Variants in AP3B1 observed in about 807,000 individuals in gnomAD.
The protein encoded by AP3B1 is AP-3 complex subunit beta-1.
Under a neutral mutation model 132.5 loss-of-function variants are expected in AP3B1, and 61 were observed. The observed-to-expected ratio is 0.46, with a 90% confidence interval of 0.37 to 0.57. The LOEUF is 0.57. Among genes scored for constraint, AP3B1 ranks in the 20% least tolerant of loss-of-function variants. The pLI is 0.00. For missense variants in AP3B1, 1,120 were observed against 1,289.4 expected (o/e 0.87, Z 2.01); for synonymous variants, 388 against 438.3 (o/e 0.89, Z 1.43).
chr5:78,005,740 T>C (rs1402402120), intron 26 of AP3B1, among the ~76,000 whole-genome samples: 2 of 152,206 alleles, frequency 1.3e-5, no homozygotes, highest in Non-Finnish European at 2.9e-5. Context: ...AGAAAGGATA[T>C]ATTTAATTGG....
chr5:78,049,027 C>T (rs1311580590), intron 22 of AP3B1, among the ~76,000 whole-genome samples: 1 of 152,166 alleles, frequency 6.6e-6, no homozygotes, highest in African/African-American at 2.4e-5. Context: ...ATCTGTAGGT[C>T]AAAAACAGTC....
intron 8 of AP3B1, among the ~76,000 whole-genome samples, chr5:78,178,297 T>G (rs1744232275): frequency 6.6e-6 from 1 of 152,146 alleles, no homozygotes; most frequent in Non-Finnish European, 1.5e-5. Context: ...CACAGAACCT[T>G]AAAAATGGCT....
At chr5:78,175,557 TA>T in intron 11 of AP3B1, 68 bp downstream of exon 11, 2 of 1,261,762 alleles carry the variant, frequency 1.6e-6, no homozygotes, top group Non-Finnish European at 2.3e-6. Flanking sequence ...CCACAGGTGC[TA>T]AAAGCTATAG....
At chr5:78,166,557 T>G (rs1307681867) in intron 11 of AP3B1, among the ~76,000 whole-genome samples, 1 of 152,094 alleles carries the variant, frequency 6.6e-6, no homozygotes, top group Non-Finnish European at 1.5e-5. Context: ...TCCAATGGGC[T>G]TGTGAAAAAA....
intron 14 of AP3B1, among the ~76,000 whole-genome samples, chr5:78,142,549 A>C (rs931793793): frequency 6.6e-6 from 1 of 152,186 alleles, no homozygotes; most frequent in Non-Finnish European, 1.5e-5. Context: ...AGTGAGAATA[A>C]GGACCTTTCC....
chr5:78,029,683 A>AT (rs1163476835), intron 24 of AP3B1, among the ~76,000 whole-genome samples: 1 of 152,024 alleles, frequency 6.6e-6, no homozygotes, highest in African/African-American at 2.4e-5. Flanking sequence ...ATTTTTTTGA[A>AT]TAGAGACAAG....
chr5:78,157,369 C>A (rs972056387), intron 13 of AP3B1, among the ~76,000 whole-genome samples: 3 of 152,086 alleles, frequency 2.0e-5, no homozygotes, highest in African/African-American at 7.3e-5. Flanking sequence ...CTTCAATCAT[C>A]CCTTTTAAGT....
chr5:78,281,465 C>T (rs1057291493), intron 1 of AP3B1, among the ~76,000 whole-genome samples: 3 of 148,314 alleles, frequency 2.0e-5, no homozygotes, highest in Non-Finnish European at 4.5e-5. Context: ...AAACAGTTCT[C>T]ATCTATAGTT....
At chr5:78,022,142 T>C (rs541415891) in intron 24 of AP3B1, among the ~76,000 whole-genome samples, 85 of 152,348 alleles carry the variant, frequency 5.6e-4, no homozygotes, top group African/African-American at 2.0e-3. Context: ...CATATGTGGA[T>C]TGTTGAAGGC....
intron 2 of AP3B1, among the ~76,000 whole-genome samples, chr5:78,266,563 G>A (rs999368566): frequency 7.2e-5 from 11 of 152,130 alleles, no homozygotes; most frequent in Non-Finnish European, 1.3e-4. Flanking sequence ...ACTGCCTGCT[G>A]GAAAACAGTA....
chr5:78,253,693 G>A (rs916508810), intron 2 of AP3B1, among the ~76,000 whole-genome samples: 2 of 152,150 alleles, frequency 1.3e-5, no homozygotes, highest in African/African-American at 2.4e-5. Flanking sequence ...TAGGCCAGGC[G>A]CGGTGGCTCA....
At chr5:78,214,974 A>T (rs1745897296) in intron 7 of AP3B1, among the ~76,000 whole-genome samples, 1 of 152,158 alleles carries the variant, frequency 6.6e-6, no homozygotes, top group African/African-American at 2.4e-5. Context: ...GTGGATAAAG[A>T]AGTATTAAAA....
chr5:78,114,779 T>C (rs1751752937), intron 18 of AP3B1, among the ~76,000 whole-genome samples: 1 of 152,212 alleles, frequency 6.6e-6, no homozygotes, highest in African/African-American at 2.4e-5. Context: ...GGAAGGTCCA[T>C]CACAGTGAAA....
intron 17 of AP3B1, among the ~76,000 whole-genome samples, chr5:78,119,881 A>G (rs2112276372): frequency 6.6e-6 from 1 of 152,320 alleles, no homozygotes; most frequent in African/African-American, 2.4e-5. Context: ...TCCAAGACAC[A>G]TAATTGTCAG....
chr5:78,136,650 A>C (rs1032952058), intron 15 of AP3B1, among the ~76,000 whole-genome samples: 2 of 152,114 alleles, frequency 1.3e-5, no homozygotes, highest in African/African-American at 4.8e-5. Flanking sequence ...AGTCTTTTTC[A>C]ATATAAAGAG....
At chr5:78,225,360 C>G (rs1314389852) in intron 6 of AP3B1, among the ~76,000 whole-genome samples, 182 bp downstream of exon 6, 2 of 152,000 alleles carry the variant, frequency 1.3e-5, no homozygotes, top group Admixed American at 1.3e-4. Context: ...CGATCTAAAA[C>G]TCCAAATGCA....
intron 11 of AP3B1, among the ~76,000 whole-genome samples, chr5:78,173,293 T>G (rs1312117697): frequency 6.6e-6 from 1 of 152,152 alleles, no homozygotes; most frequent in Non-Finnish European, 1.5e-5. Flanking sequence ...CAGAGCTGAG[T>G]TCAAGGCCTG....
intron 2 of AP3B1, among the ~76,000 whole-genome samples, chr5:78,261,238 G>C (rs1322645175): frequency 1.3e-5 from 2 of 152,144 alleles, no homozygotes; most frequent in African/African-American, 2.4e-5. Context: ...CAATGCATAA[G>C]AGTTCTTATT....
intron 24 of AP3B1, among the ~76,000 whole-genome samples, chr5:78,032,909 A>T (rs1376176635): frequency 6.6e-6 from 1 of 152,134 alleles, no homozygotes; most frequent in Non-Finnish European, 1.5e-5. Flanking sequence ...AAAATCAAAT[A>T]CTACCTGCAT....
Sources: gnomAD v4.1 joint callset for allele counts (sites outside exome capture counted in the v4.1 genomes callset) on GRCh38, gnomAD v4.1.1 for gene constraint, MANE v1.5 for transcripts, NCBI Gene and HGNC (gene_info 2026-07-23, HGNC 2026-07-21) for gene names.